The following PCMTD1 variants were observed in gnomAD, a reference collection of about 807,000 sequenced individuals.
PCMTD1 encodes protein-L-isoaspartate (D-aspartate) O-methyltransferase domain containing 1, also known as protein-L-isoaspartate O-methyltransferase domain-containing protein 1.
A neutral mutation model predicts 37.6 loss-of-function variants in PCMTD1; 12 were observed. The ratio of observed to expected loss-of-function variants is 0.32; its 90% CI spans 0.20 to 0.52. The LOEUF is 0.52. PCMTD1 is among the 20% of genes least tolerant of loss of function. PCMTD1 has a pLI of 0.97. For synonymous variants in PCMTD1, 117 were observed against 135.8 expected, an observed-to-expected ratio of 0.86 and a Z score of 0.96; for missense variants, 235 against 421.3, an observed-to-expected ratio of 0.56 and a Z score of 3.87.
intron 1 of PCMTD1, among the ~76,000 whole-genome samples, chr8:51,881,687 A>T (rs1479021869): frequency 1.3e-5 from 2 of 152,188 alleles, no homozygotes; most frequent in African/African-American, 4.8e-5. Context: ...TCTTCAAAAA[A>T]ACCTTCAAGG....
At chr8:51,850,815 T>C (rs965101742) in intron 2 of PCMTD1, among the ~76,000 whole-genome samples, 5 of 152,202 alleles carry the variant, frequency 3.3e-5, no homozygotes, top group African/African-American at 7.2e-5. Flanking sequence ...TAATTTTAGT[T>C]AGATAAAATA....
chr8:51,871,836 T>C (rs941617287), intron 1 of PCMTD1, among the ~76,000 whole-genome samples: 2 of 152,190 alleles, frequency 1.3e-5, no homozygotes, highest in Non-Finnish European at 2.9e-5. Context: ...TTCTTCTATA[T>C]TCTCTTGACT....
chr8:51,831,644 T>G, intron 4 of PCMTD1, 77 bp from the exon 5 acceptor site: 1 of 1,455,694 alleles, frequency 6.9e-7, no homozygotes, highest in Non-Finnish European at 9.2e-7. Flanking sequence ...AAAACTTTGT[T>G]TTAAGGGAAC....
intron 1 of PCMTD1, among the ~76,000 whole-genome samples, chr8:51,876,318 C>T (rs1400626529): frequency 6.6e-6 from 1 of 152,074 alleles, no homozygotes; most frequent in Non-Finnish European, 1.5e-5. Context: ...AGACTATATC[C>T]TATGATGATG....
chr8:51,889,820 T>C (rs929395804), intron 1 of PCMTD1, among the ~76,000 whole-genome samples: 5 of 152,016 alleles, frequency 3.3e-5, no homozygotes, highest in Admixed American at 2.0e-4. Flanking sequence ...ATGTTAATAG[T>C]GTCTCCTGAG....
At chr8:51,882,347 G>A (rs10958303) in intron 1 of PCMTD1, among the ~76,000 whole-genome samples, 104,533 of 152,090 alleles carry the variant, frequency 0.69, 42,404 homozygotes, top group Non-Finnish European at 0.9. Context: ...CGGAAGCCCC[G>A]TATTCAAGTA....
intron 3 of PCMTD1, among the ~76,000 whole-genome samples, chr8:51,844,538 T>C (rs1448200692): frequency 6.6e-6 from 1 of 152,174 alleles, no homozygotes; most frequent in East Asian, 1.9e-4. Flanking sequence ...TTTCTGTTCT[T>C]CAACCAATCA....
At chr8:51,827,922 C>A (rs2037944423) in intron 5 of PCMTD1, among the ~76,000 whole-genome samples, 1 of 152,144 alleles carries the variant, frequency 6.6e-6, no homozygotes, top group African/African-American at 2.4e-5. Flanking sequence ...TTACCAGCTA[C>A]TCAGATTTGT....
intron 2 of PCMTD1, among the ~76,000 whole-genome samples, chr8:51,859,798 A>G (rs952961850): frequency 6.6e-6 from 1 of 152,196 alleles, no homozygotes; most frequent in Non-Finnish European, 1.5e-5. Flanking sequence ...AAATTCTTCA[A>G]TGATTCCCCA....
At chr8:51,840,235 C>A (rs1435400631) in intron 3 of PCMTD1, among the ~76,000 whole-genome samples, 2 of 152,090 alleles carry the variant, frequency 1.3e-5, no homozygotes, top group Non-Finnish European at 2.9e-5. Context: ...GGAAATGTGA[C>A]AGGTAAGTCA....
At chr8:51,895,603 T>C (rs1278539266) in intron 1 of PCMTD1, among the ~76,000 whole-genome samples, 1 of 152,136 alleles carries the variant, frequency 6.6e-6, no homozygotes, top group Non-Finnish European at 1.5e-5. Flanking sequence ...CAGCAATACC[T>C]CTCATTAATT....
At chr8:51,870,752 T>C (rs2038627220) in intron 1 of PCMTD1, among the ~76,000 whole-genome samples, 1 of 152,192 alleles carries the variant, frequency 6.6e-6, no homozygotes, top group African/African-American at 2.4e-5. Flanking sequence ...GACGCATAAT[T>C]CAAAACTAAA....
intron 5 of PCMTD1, among the ~76,000 whole-genome samples, chr8:51,828,591 T>C (rs1244181383): frequency 2.0e-5 from 3 of 152,194 alleles, no homozygotes; most frequent in Admixed American, 6.5e-5. Flanking sequence ...GCAACCAAAG[T>C]AAGGTCGAAC....
At chr8:51,823,569 C>A (rs111549091) in intron 5 of PCMTD1, among the ~76,000 whole-genome samples, 1 of 152,314 alleles carries the variant, frequency 6.6e-6, no homozygotes, top group Non-Finnish European at 1.5e-5. Flanking sequence ...CCTTAACGGT[C>A]TCATTTCCAA....
chr8:51,880,558 G>A (rs951763976), intron 1 of PCMTD1, among the ~76,000 whole-genome samples: 2 of 151,990 alleles, frequency 1.3e-5, no homozygotes, highest in African/African-American at 4.8e-5. Context: ...CATAATCAGG[G>A]GCATCCTCAA....
intron 1 of PCMTD1, among the ~76,000 whole-genome samples, chr8:51,868,592 T>C (rs201992326): frequency 6.6e-6 from 1 of 152,152 alleles, no homozygotes; most frequent in East Asian, 1.9e-4. Flanking sequence ...ACAGATGAAG[T>C]ATAATAAAGC....
At chr8:51,848,105 AG>A (rs1346640052) in intron 2 of PCMTD1, among the ~76,000 whole-genome samples, 2 of 151,956 alleles carry the variant, frequency 1.3e-5, no homozygotes, top group Non-Finnish European at 2.9e-5. Flanking sequence ...AAAAGAAGAA[AG>A]AAAGAAAAAA....
At chr8:51,862,881 A>T (rs1044331157) in intron 1 of PCMTD1, among the ~76,000 whole-genome samples, 2 of 152,222 alleles carry the variant, frequency 1.3e-5, no homozygotes, top group Admixed American at 6.5e-5. Context: ...TCAAAAATAT[A>T]TAAGTACAAG....
intron 5 of PCMTD1, 144 bp downstream of exon 5, chr8:51,831,296 CAAAA>C (rs10578406): frequency 5.6e-4 from 333 of 590,608 alleles, no homozygotes; most frequent in Middle Eastern, 1.6e-3. Context: ...AGACTGTCTC[CAAAA>C]AAAAAAAAAA....
Sources: gnomAD v4.1 joint callset for allele counts (sites outside exome capture counted in the v4.1 genomes callset) on GRCh38, gnomAD v4.1.1 for gene constraint, MANE v1.5 for transcripts, NCBI Gene and HGNC (gene_info 2026-07-23, HGNC 2026-07-21) for gene names.